Variants in LRRFIP2 observed in about 807,000 individuals in gnomAD.
The protein encoded by LRRFIP2 is LRR binding FLII interacting protein 2.
In LRRFIP2, 109 loss-of-function variants were observed where a neutral mutation model predicts 125.9. The ratio of observed to expected loss-of-function variants is 0.87; its 90% confidence interval spans 0.74 to 1.01. The LOEUF (loss-of-function observed/expected upper bound fraction) is 1.01. Ranked by LOEUF, LRRFIP2 falls within the 50% of genes least tolerant of loss-of-function variation. LRRFIP2 has a pLI of 0.00. For missense variants in LRRFIP2, 850 were observed against 862.3 expected, an observed-to-expected ratio of 0.99 and a Z score of 0.18; for synonymous variants, 291 against 293.1, an observed-to-expected ratio of 0.99 and a Z score of 0.07.
At chr3:37,064,611 G>T (rs1019708124) in intron 23 of LRRFIP2, 1 of 149,006 alleles carries the variant, frequency 6.7e-6, no homozygotes, top group African/African-American at 2.5e-5. Flanking sequence ...AAAAGATGTG[G>T]GCATCCATGG....
intron 21 of LRRFIP2, chr3:37,068,090 T>C (rs1393052454): frequency 2.6e-5 from 4 of 152,238 alleles, no homozygotes; most frequent in Non-Finnish European, 5.9e-5. Flanking sequence ...TGTGCATTTC[T>C]AGCACCATCT....
intron 2 of LRRFIP2, among the ~76,000 whole-genome samples, chr3:37,137,404 T>C (rs1313907064): frequency 1.3e-5 from 2 of 152,208 alleles, no homozygotes; most frequent in African/African-American, 2.4e-5. Flanking sequence ...GTTCACACTC[T>C]TAACCACATT....
chr3:37,129,883 C>G (rs766555895), intron 2 of LRRFIP2, among the ~76,000 whole-genome samples: 3 of 152,120 alleles, frequency 2.0e-5, no homozygotes, highest in Non-Finnish European at 4.4e-5. Context: ...ATCCCAGCTA[C>G]TTGGGTGGCT....
intron 6 of LRRFIP2, among the ~76,000 whole-genome samples, chr3:37,116,014 CTT>C (rs1037293577): frequency 2.0e-5 from 3 of 152,142 alleles, no homozygotes; most frequent in Non-Finnish European, 2.9e-5. Flanking sequence ...TTTTCCAACT[CTT>C]ATATTCATTT....
At chr3:37,108,230 A>C in intron 12 of LRRFIP2, 101 bp from the exon 13 acceptor site, 7 of 876,736 alleles carry the variant, frequency 8.0e-6, no homozygotes, top group South Asian at 3.0e-5. Context: ...CCTGGTTCTC[A>C]AGATAAAGGT....
At chr3:37,154,996 G>A (rs979787033) in intron 1 of LRRFIP2, among the ~76,000 whole-genome samples, 1 of 152,170 alleles carries the variant, frequency 6.6e-6, no homozygotes, top group Non-Finnish European at 1.5e-5. Flanking sequence ...ACATTTCATA[G>A]TTATTCATAA....
intron 24 of LRRFIP2, among the ~76,000 whole-genome samples, chr3:37,063,159 TA>T (rs1391603807): frequency 6.6e-6 from 1 of 152,182 alleles, no homozygotes; most frequent in Non-Finnish European, 1.5e-5. Flanking sequence ...TAGAGGAAAC[TA>T]ATAGTTCTGA....
At chr3:37,069,226 A>G (rs2090716083) in intron 21 of LRRFIP2, among the ~76,000 whole-genome samples, 1 of 152,222 alleles carries the variant, frequency 6.6e-6, no homozygotes, top group South Asian at 2.1e-4. Context: ...TGATCCAGCA[A>G]TTCCACTTCT....
intron 2 of LRRFIP2, 35 bp from the exon 3 acceptor site, chr3:37,129,184 A>G (rs1370606276): frequency 1.3e-6 from 2 of 1,567,558 alleles, no homozygotes; most frequent in Non-Finnish European, 1.8e-6. Flanking sequence ...TTTATACAAC[A>G]AAAACAAAAA....
In LRRFIP2 at chr3:37,169,297, C is replaced by T. The variant is rs186896109; in HGVS notation, c.-56+5242G>A. ...ATTTTATGTTATCTATATTGTACCA[C>T]AATTTTAAAAACAAAACAAACTTTA... On this transcript the variant is annotated intron_variant, in intron 1 of 27. Coordinates refer to ENST00000336686, the MANE Select transcript of LRRFIP2 (RefSeq NM_006309.4). Among the ~76,000 whole-genome samples the T allele has an allele frequency of 2.0e-5, 3 of 152,166 alleles. 1 individual carries two copies. Among genetic ancestry groups the T allele is most frequent in the Admixed American group, 1.3e-4 (2 of 15,292 alleles).
chr3:37,123,355 C>G (rs113051737), intron 4 of LRRFIP2, among the ~76,000 whole-genome samples: 1 of 152,268 alleles, frequency 6.6e-6, no homozygotes, highest in Non-Finnish European at 1.5e-5. Flanking sequence ...CCACACCCGG[C>G]TACTTTTTGT....
chr3:37,140,951 C>G (rs1022212606), intron 2 of LRRFIP2, among the ~76,000 whole-genome samples: 1 of 152,058 alleles, frequency 6.6e-6, no homozygotes, highest in African/African-American at 2.4e-5. Context: ...AGGTTCTCAT[C>G]ATCTTTCACT....
At chr3:37,149,549 G>C (rs2095955675) in intron 1 of LRRFIP2, among the ~76,000 whole-genome samples, 1 of 151,938 alleles carries the variant, frequency 6.6e-6, no homozygotes, top group Non-Finnish European at 1.5e-5. Flanking sequence ...AATAACTATA[G>C]TTATTTCTAA....
chr3:37,116,895 G>A (rs775684538), intron 6 of LRRFIP2, among the ~76,000 whole-genome samples: 1 of 151,898 alleles, frequency 6.6e-6, no homozygotes, highest in Non-Finnish European at 1.5e-5. Context: ...CAAAATATCT[G>A]TACCGCATGC....
At chr3:37,087,432 T>C (rs1027107192) in intron 18 of LRRFIP2, among the ~76,000 whole-genome samples, 1 of 152,108 alleles carries the variant, frequency 6.6e-6, no homozygotes, top group East Asian at 1.9e-4. Flanking sequence ...ATGCACAAAA[T>C]ATATAATACA....
intron 27 of LRRFIP2, 28 bp from the exon 28 acceptor site, chr3:37,053,989 C>G: frequency 2.3e-6 from 3 of 1,321,452 alleles, no homozygotes; most frequent in Non-Finnish European, 3.3e-6. Context: ...GCAGTCACTA[C>G]ATGTGGTCAG....
At chr3:37,073,268 G>T (rs1018604495) in intron 20 of LRRFIP2, among the ~76,000 whole-genome samples, 1 of 152,158 alleles carries the variant, frequency 6.6e-6, no homozygotes, top group South Asian at 2.1e-4. Flanking sequence ...ATGAACAAAT[G>T]ATCTTTCATC....
intron 1 of LRRFIP2, among the ~76,000 whole-genome samples, chr3:37,156,501 C>T (rs988960689): frequency 1.3e-5 from 2 of 150,138 alleles, no homozygotes; most frequent in Admixed American, 6.6e-5. Flanking sequence ...GTGAAACCCC[C>T]GTCTCTACTA....
intron 1 of LRRFIP2, among the ~76,000 whole-genome samples, chr3:37,162,336 A>G (rs550226440): frequency 3.0e-4 from 46 of 152,296 alleles, no homozygotes; most frequent in Admixed American, 1.0e-3. Context: ...ATGAGAACAA[A>G]GATGACTTTA....
Sources: gnomAD v4.1 joint callset for allele counts (sites outside exome capture counted in the v4.1 genomes callset) on GRCh38, gnomAD v4.1.1 for gene constraint, MANE v1.5 for transcripts, NCBI Gene and HGNC (gene_info 2026-07-23, HGNC 2026-07-21) for gene names.